Variants in SOX5 observed in about 807,000 individuals in gnomAD.
The protein encoded by SOX5 is SRY-box transcription factor 5.
SOX5 carries 9 observed loss-of-function variants against 92.0 expected under a neutral mutation model. That is an observed-to-expected ratio of 0.10 (90% confidence interval 0.06 to 0.17). The LOEUF (loss-of-function observed/expected upper bound fraction) is 0.17. SOX5 is among the 10% of genes least tolerant of loss of function. The pLI is 1.00. For missense variants in SOX5, 642 were observed against 944.5 expected (o/e 0.68, Z 4.20); for synonymous variants, 344 against 336.3 (o/e 1.02, Z -0.25).
chr12:23,837,124 T>C (rs958241867), intron 3 of SOX5, among the ~76,000 whole-genome samples: 1 of 146,960 alleles, frequency 6.8e-6, no homozygotes, highest in African/African-American at 2.5e-5. Context: ...CTTTGATTAA[T>C]GAAGTCATTG....
rs73291633 is a variant in SOX5, at chr12:24,497,512, T to C, written c.-251+64817A>G. 1.9e-3 allele frequency among the ~76,000 whole-genome samples: 291 copies of C among 152,242 alleles called. 1 individual carries two copies. Among genetic ancestry groups the C allele is most frequent in the African/African-American group, 6.7e-3 (280 of 41,536 alleles). On this transcript the variant is annotated intron_variant, in intron 1 of 4. Coordinates refer to the SOX5 transcript ENST00000446891. The stretch of plus-strand genomic sequence containing the variant: ...CAGGCATCATTCTCAGTGTTTCAAA[T>C]GGATAATTTCAGTTAAAACTGAGGA...
intron 4 of SOX5, among the ~76,000 whole-genome samples, chr12:23,965,259 G>A (rs1022328310): frequency 6.6e-6 from 1 of 152,174 alleles, no homozygotes; most frequent in Non-Finnish European, 1.5e-5. Context: ...CATATGTAGT[G>A]GCCTGACCGC....
chr12:23,912,772 A>G (rs1474267623), intron 1 of SOX5, among the ~76,000 whole-genome samples: 1 of 152,156 alleles, frequency 6.6e-6, no homozygotes, highest in East Asian at 1.9e-4. Context: ...ATTTATATGC[A>G]ATGTCCAGAA....
At chr12:24,450,501 T>G (rs77328878) in intron 1 of SOX5, among the ~76,000 whole-genome samples, 35,272 of 151,130 alleles carry the variant, frequency 0.23, 4,948 homozygotes, top group East Asian at 0.67. Context: ...TTTATTTATT[T>G]ATTTATTTAT....
rs188707141 is a variant in SOX5, at chr12:23,684,742, G to A, written c.811-19178C>T. ...TGTAGTGCTTAAAGTGATGGTAAAGGCTTCCCAACTGCGGGTGATCTCATC... is the reference window on the plus strand; with the variant it reads ...TGTAGTGCTTAAAGTGATGGTAAAGACTTCCCAACTGCGGGTGATCTCATC... On this transcript the variant is annotated intron_variant, in intron 6 of 14. Transcript: ENST00000451604. Among the ~76,000 whole-genome samples, 473 of 152,158 alleles carry A rather than the reference G, an allele frequency of 3.1e-3. 3 individuals carry two copies. The highest frequency in any genetic ancestry group is 0.011 in the African/African-American group (455 of 41,538).
chr12:23,970,081 C>T (rs1471290943), intron 4 of SOX5, among the ~76,000 whole-genome samples: 1 of 152,158 alleles, frequency 6.6e-6, no homozygotes, highest in Non-Finnish European at 1.5e-5. Context: ...ATAACACATT[C>T]TTGCTGTGCA....
intron 4 of SOX5, among the ~76,000 whole-genome samples, chr12:24,084,706 C>T (rs1033877339): frequency 2.0e-5 from 3 of 152,046 alleles, no homozygotes; most frequent in Non-Finnish European, 4.4e-5. Context: ...GCTCCTCATG[C>T]AGTTTCTAAT....
intron 8 of SOX5, among the ~76,000 whole-genome samples, chr12:23,608,496 C>A (rs1176965588): frequency 1.3e-5 from 2 of 152,108 alleles, no homozygotes; most frequent in Non-Finnish European, 2.9e-5. Context: ...ATAAGCAACT[C>A]CTATTTTTGT....
intron 4 of SOX5, among the ~76,000 whole-genome samples, chr12:24,042,308 T>C (rs1295605669): frequency 1.3e-5 from 2 of 152,138 alleles, no homozygotes; most frequent in Non-Finnish European, 2.9e-5. Context: ...TATAGTATTA[T>C]ATAAACAAAG....
In SOX5 at chr12:24,364,847, C is replaced by T. The variant is rs141445256; in HGVS notation, c.-174+3716G>A. ...CACAGAATGATCAGAAATCCATGAA[C>T]GTCTCAGTCGAAGCAAGAACTGGTG... is the stretch of plus-strand genomic sequence containing the variant. On this transcript the variant is annotated intron_variant, in intron 2 of 4. Coordinates refer to the SOX5 transcript ENST00000446891. Among the ~76,000 whole-genome samples, 38 of 152,028 alleles carry T rather than the reference C, an allele frequency of 2.5e-4. No individual in the cohort carries two copies. In the South Asian group the frequency reaches 2.9e-3, roughly 12 times the overall value.
intron 4 of SOX5, among the ~76,000 whole-genome samples, chr12:24,090,915 T>C (rs1042514649): frequency 1.3e-5 from 2 of 152,226 alleles, no homozygotes; most frequent in African/African-American, 4.8e-5. Context: ...CTGCTTTTTG[T>C]GTTTTCAGCC....
intron 2 of SOX5, among the ~76,000 whole-genome samples, chr12:24,349,225 C>A (rs1953744358): frequency 6.6e-6 from 1 of 152,184 alleles, no homozygotes; most frequent in Non-Finnish European, 1.5e-5. Context: ...AACTCATCCC[C>A]TCTCCCCAGT....
At chr12:23,686,537 C>T (rs1204234362) in intron 6 of SOX5, among the ~76,000 whole-genome samples, 1 of 152,128 alleles carries the variant, frequency 6.6e-6, no homozygotes, top group Non-Finnish European at 1.5e-5. Flanking sequence ...AAATACTGGG[C>T]TCTCAAACTG....
chr12:24,474,312 T>C (rs1388072758), intron 1 of SOX5, among the ~76,000 whole-genome samples: 6 of 152,202 alleles, frequency 3.9e-5, no homozygotes, highest in African/African-American at 1.4e-4. Context: ...CTAATAAAAC[T>C]AGTTCCCTAA....
In SOX5 at chr12:23,931,851, A is replaced by G. The variant is rs529250773; in HGVS notation, c.38+17713T>C. ...TATACAATGTCATGTTATTACACGG[A>G]CTTTGTAATCAATATTTTTAGATTA... On this transcript the variant is annotated intron_variant, in intron 1 of 14. Coordinates refer to ENST00000451604, the MANE Select transcript of SOX5 (RefSeq NM_006940.6). Among the ~76,000 whole-genome samples the G allele has an allele frequency of 1.5e-3, 235 of 151,670 alleles. 2 individuals are homozygous for G. Among genetic ancestry groups the G allele is most frequent in the African/African-American group, 5.2e-3 (217 of 41,456 alleles).
At chr12:23,603,467 T>TAAAATATATATATA (rs1566226312) in intron 9 of SOX5, among the ~76,000 whole-genome samples, 1 of 92,048 alleles carries the variant, frequency 1.1e-5, no homozygotes, top group South Asian at 3.7e-4. Context: ...TATATATATA[T>TAAAATATATATATA]TTTGCTGGTA....
intron 6 of SOX5, among the ~76,000 whole-genome samples, chr12:23,698,806 T>G (rs2090236318): frequency 6.6e-6 from 1 of 152,208 alleles, no homozygotes; most frequent in African/African-American, 2.4e-5. Context: ...CAAGTCTTAC[T>G]TTATACCTGT....
chr12:24,422,149 T>C (rs149353304), intron 1 of SOX5, among the ~76,000 whole-genome samples: 2 of 152,344 alleles, frequency 1.3e-5, no homozygotes, highest in East Asian at 3.9e-4. Flanking sequence ...CTTATTGTTC[T>C]TAATGAAAGC....
rs182657007 is a variant in SOX5 at position 24,040,352 on chromosome 12, A to G, written c.-1-144328T>C. Among the ~76,000 whole-genome samples, 332 of 152,344 alleles carry G rather than the reference A, an allele frequency of 2.2e-3. 1 individual carries two copies. The highest frequency in any genetic ancestry group is 3.9e-3 in the Non-Finnish European group (266 of 68,020). On this transcript the variant is annotated intron_variant, in intron 4 of 4. Transcript: ENST00000446891. Reference sequence around the variant, plus strand: ...GGTTTGTGATGAAACTGCTCCAAGTAAAAAGATCACAAATTTACCACTTAT... The same window carrying G: ...GGTTTGTGATGAAACTGCTCCAAGTGAAAAGATCACAAATTTACCACTTAT...
Sources: gnomAD v4.1 joint callset for allele counts (sites outside exome capture counted in the v4.1 genomes callset) on GRCh38, gnomAD v4.1.1 for gene constraint, MANE v1.5 for transcripts, NCBI Gene and HGNC (gene_info 2026-07-23, HGNC 2026-07-21) for gene names.